Variants in CENPV observed in about 807,000 individuals in gnomAD.
CENPV encodes the protein nuclear protein p30.
CENPV carries 15 observed loss-of-function variants against 26.4 expected under a neutral mutation model. That is an observed-to-expected ratio of 0.57 (90% CI 0.38 to 0.88). The LOEUF (loss-of-function observed/expected upper bound fraction) is 0.88. Among genes scored for constraint, CENPV ranks in the 40% least tolerant of loss-of-function variants. The pLI, the probability that CENPV is intolerant of heterozygous loss-of-function variation, is 0.00. For missense variants in CENPV, 336 were observed against 376.5 expected, an observed-to-expected ratio of 0.89 and a Z score of 0.89; for synonymous variants, 172 against 165.5, an observed-to-expected ratio of 1.04 and a Z score of -0.30.
At chr17:16,345,274 A>G in intron 3 of CENPV, among the ~76,000 whole-genome samples, 1 of 150,110 alleles carries the variant, frequency 6.7e-6, no homozygotes, top group Non-Finnish European at 1.5e-5. Flanking sequence ...AAAAAAAAAA[A>G]AAAAAAACAC....
chr17:16,343,532 A>C (rs1280308050), intron 4 of CENPV, among the ~76,000 whole-genome samples: 3 of 152,160 alleles, frequency 2.0e-5, no homozygotes, highest in Non-Finnish European at 4.4e-5. Context: ...GGGTTTCTCC[A>C]TGTTGGTTAG....
At chr17:16,352,946 G>C in intron 1 of CENPV, 81 bp downstream of exon 1, 1 of 1,426,146 alleles carries the variant, frequency 7.0e-7, no homozygotes, top group Admixed American at 2.9e-5. Flanking sequence ...CCCAAGGCCT[G>C]CACGCGGGCT....
chr17:16,349,662 GT>G, intron 2 of CENPV: 1 of 1,209,734 alleles, frequency 8.3e-7, no homozygotes, highest in Non-Finnish European at 1.0e-6. Context: ...CCTCAGCAGT[GT>G]CAGTCTGAGG....
chr17:16,347,046 T>C (rs936517405), intron 3 of CENPV, among the ~76,000 whole-genome samples: 1 of 152,024 alleles, frequency 6.6e-6, no homozygotes, highest in African/African-American at 2.4e-5. Flanking sequence ...CATGGGGGTC[T>C]CGCTATGTTG....
At chr17:16,349,462 A>C in intron 2 of CENPV, 1 of 986,452 alleles carries the variant, frequency 1.0e-6, no homozygotes, top group Non-Finnish European at 1.2e-6. Context: ...GGCCCTCCAC[A>C]GCCAGCAGTG....
chr17:16,353,008 C>G lies in CENPV; in HGVS notation c.410+19G>C, dbSNP rs1405411546. ...CCGCGTGGCAACGGCTCCCGCGCCC[C>G]CCGGCCCGCCGCACTCACAAGGTGT... On this transcript the variant is annotated intron_variant, in intron 1 of 4. Coordinates refer to ENST00000299736, the MANE Select transcript of CENPV (RefSeq NM_181716.3). The G allele has an allele frequency of 1.9e-6, 3 of 1,541,854 alleles. No homozygotes were observed. The Admixed American group carries it at 6.0e-5, about 31-fold the overall frequency.
intron 1 of CENPV, among the ~76,000 whole-genome samples, chr17:16,352,752 CTT>C (rs2093233369): frequency 6.6e-6 from 1 of 152,282 alleles, no homozygotes; most frequent in African/African-American, 2.4e-5. Context: ...GGGAAAGACT[CTT>C]TGTGTCCCAA....
In CENPV at chr17:16,353,255, G is replaced by T. The variant is rs1449985900; in HGVS notation, c.182C>A (p.Pro61Gln). 2 of 1,417,418 alleles carry T rather than the reference G, an allele frequency of 1.4e-6. No individual in the cohort carries two copies. The highest frequency in any genetic ancestry group is 1.5e-5 in the African/African-American group (1 of 67,054). The allele number at this position is 1,417,418 out of a possible 1,614,324, so 87.8% of individuals were successfully genotyped here. ...CCGCGGCGACGAGCGCCTCAGCCGC[G>T]GCTTCTCCGACGGCGGCTTCTCCAC... is the stretch of plus-strand genomic sequence containing the variant. ...QAVEKPPSEK[P>Q]RLRRSSPRAQ... Residue 61 changes from proline (P) to glutamine (Q), a missense_variant, in exon 1 of 5, where the codon CCG becomes CAG. Coordinates refer to ENST00000299736, the MANE Select transcript of CENPV (RefSeq NM_181716.3).
At chr17:16,349,813 C>A in intron 2 of CENPV, 118 bp downstream of exon 2, 1 of 1,477,696 alleles carries the variant, frequency 6.8e-7, no homozygotes. Flanking sequence ...CTGACTTCAA[C>A]AGTTACCAGC....
chr17:16,352,423 G>C (rs1327922274), intron 1 of CENPV, among the ~76,000 whole-genome samples: 1 of 152,142 alleles, frequency 6.6e-6, no homozygotes. Context: ...AGGTATCCCC[G>C]CCGCCGCGCG....
intron 2 of CENPV, 184 bp downstream of exon 2, chr17:16,349,747 G>C (rs1390403716): frequency 1.4e-6 from 2 of 1,402,472 alleles, no homozygotes; most frequent in Admixed American, 6.2e-5. Context: ...GAAGCTCTGT[G>C]ATGAGCCATA....
In CENPV at chr17:16,353,456, G is replaced by T; in HGVS notation, c.-20C>A. On this transcript the variant is annotated 5_prime_UTR_variant, in exon 1 of 5. Transcript: ENST00000299736. ...CCGCATGGCTCCCGCAGCCTGGCGC[G>T]CAGGCCTCGCAGCGCGGCGCGCCCC... is the stretch of plus-strand genomic sequence containing the variant. 4.6e-6 allele frequency: 5 copies of T among 1,083,240 alleles called. No homozygotes were observed. The highest frequency in any genetic ancestry group is 5.6e-6 in the Non-Finnish European group (5 of 895,196). The allele number at this position is 1,083,240 out of a possible 1,614,324, so 67.1% of individuals were successfully genotyped here.
intron 2 of CENPV, chr17:16,349,251 G>A: frequency 2.0e-6 from 2 of 987,368 alleles, no homozygotes; most frequent in Non-Finnish European, 2.4e-6. Flanking sequence ...TTCCAATCTG[G>A]ACTCTATTGT....
chr17:16,348,542 A>G lies in CENPV; in HGVS notation c.579+74T>C, dbSNP rs1454652148. ...CCTCCCATGCTACAGACGGCATGCTAACAGTTGGGTGGGGGGTCCTGTAAA... is the reference window on the plus strand; with the variant it reads ...CCTCCCATGCTACAGACGGCATGCTGACAGTTGGGTGGGGGGTCCTGTAAA... On this transcript the variant is annotated intron_variant, in intron 3 of 4. Transcript: ENST00000299736. The G allele has an allele frequency of 2.5e-6, 4 of 1,599,292 alleles. No homozygotes were observed. The African/African-American group carries it at 5.4e-5, about 21-fold the overall frequency.
intron 3 of CENPV, 115 bp downstream of exon 3, chr17:16,348,501 T>C (rs1204209664): frequency 6.5e-7 from 1 of 1,549,488 alleles, no homozygotes; most frequent in Non-Finnish European, 8.8e-7. Flanking sequence ...TGAGAGGCCC[T>C]GCTATGCTCC....
intron 3 of CENPV, 172 bp downstream of exon 3, chr17:16,348,444 A>G: frequency 7.0e-7 from 1 of 1,420,086 alleles, no homozygotes; most frequent in Non-Finnish European, 9.3e-7. Flanking sequence ...GGCGTGAGCC[A>G]CTGTGCCGGG....
intron 1 of CENPV, chr17:16,351,169 G>A (rs528124252): frequency 6.6e-6 from 1 of 151,950 alleles, no homozygotes; most frequent in Admixed American, 6.6e-5. Flanking sequence ...CACCTCAGGT[G>A]ATCCACCCGC....
At chr17:16,347,384 G>T (rs1016874568) in intron 3 of CENPV, among the ~76,000 whole-genome samples, 7 of 152,104 alleles carry the variant, frequency 4.6e-5, no homozygotes, top group African/African-American at 1.7e-4. Context: ...AGCAGCGAAG[G>T]ACTGCCAAGT....
intron 1 of CENPV, among the ~76,000 whole-genome samples, 154 bp downstream of exon 1, chr17:16,352,872 AC>A (rs1358217174): frequency 1.3e-5 from 2 of 151,992 alleles, no homozygotes; most frequent in Admixed American, 6.6e-5. Context: ...TTAAGGAATA[AC>A]CCCAGTGCTA....
Sources: allele counts gnomAD v4.1 joint callset (sites outside exome capture counted in the v4.1 genomes callset), GRCh38; gene constraint gnomAD v4.1.1; transcripts MANE v1.5; gene names NCBI Gene and HGNC (gene_info 2026-07-23, HGNC 2026-07-21).